ARHGAP6: variants seen among roughly 807,000 people sequenced by gnomAD.
ARHGAP6 encodes Rho GTPase activating protein 6.
Under a neutral mutation model 55.7 loss-of-function variants are expected in ARHGAP6, and 16 were observed. The observed-to-expected ratio is 0.29, with a 90% CI of 0.19 to 0.44. The LOEUF (loss-of-function observed/expected upper bound fraction) is 0.44. Among genes scored for constraint, ARHGAP6 ranks in the 20% least tolerant of loss-of-function variants. ARHGAP6 has a pLI of 1.00. For missense variants in ARHGAP6, 698 were observed against 808.9 expected (o/e 0.86, Z 1.66); for synonymous variants, 382 against 360.9 (o/e 1.06, Z -0.66).
At chrX:11,314,948 G>C (rs1350211032) in intron 1 of ARHGAP6, among the ~76,000 whole-genome samples, 2 of 112,294 alleles carry the variant, frequency 1.8e-5, no homozygotes, top group African/African-American at 6.5e-5. Flanking sequence ...AGCTAAAAAA[G>C]AGAAAACATA....
intron 1 of ARHGAP6, among the ~76,000 whole-genome samples, chrX:11,465,549 G>A (rs753053010): frequency 9.8e-5 from 11 of 111,981 alleles, no homozygotes; most frequent in Non-Finnish European, 1.9e-4. Context: ...TTATTAATAA[G>A]ATATTTTACA....
chrX:11,530,869 G>T (rs1336587499), intron 1 of ARHGAP6, among the ~76,000 whole-genome samples: 1 of 111,625 alleles, frequency 9.0e-6, no homozygotes, highest in Non-Finnish European at 1.9e-5. Flanking sequence ...AGCAGGTCAG[G>T]GTTGTCAGTA....
intron 1 of ARHGAP6, among the ~76,000 whole-genome samples, chrX:11,586,348 T>C (rs144804146): frequency 0.01 from 1,148 of 112,062 alleles, 6 homozygotes; most frequent in Admixed American, 0.015. Flanking sequence ...TTGATTTTTG[T>C]ATATGGTGAT....
chrX:11,635,669 C>G (rs1346579154), intron 1 of ARHGAP6, among the ~76,000 whole-genome samples: 1 of 111,398 alleles, frequency 9.0e-6, no homozygotes, highest in Non-Finnish European at 1.9e-5. Context: ...TCCCTTTCTA[C>G]TGTATAAGAT....
Position 11,188,910 on chromosome X carries a change from C to G in ARHGAP6, c.895G>C (p.Asp299His). ...ANDRAYKLKQ[D>H]LQRDEQKDAS... ...TCTTTCTGCTCGTCCCTCTGCAAGT[C>G]CTGCTTGAGTTTATAGGCCCTGTCA... Residue 299 changes from aspartate to histidine, a missense_variant, in exon 4 of 13, where the codon GAC (aspartate) becomes CAC (histidine). Coordinates refer to ENST00000337414, the MANE Select transcript of ARHGAP6 (RefSeq NM_013427.3). 1 of 1,211,409 alleles carries G rather than the reference C, an allele frequency of 8.3e-7. No individual in the cohort carries two copies. The highest frequency in any genetic ancestry group is 1.1e-6 in the Non-Finnish European group (1 of 895,445).
chrX:11,458,344 C>T (rs2050213039), intron 1 of ARHGAP6, among the ~76,000 whole-genome samples: 1 of 112,217 alleles, frequency 8.9e-6, no homozygotes, highest in South Asian at 3.7e-4. Context: ...TCAAAAGCAG[C>T]AGGGCAGGAA....
At chrX:11,280,857 T>C (rs998672072) in intron 1 of ARHGAP6, among the ~76,000 whole-genome samples, 2 of 110,483 alleles carry the variant, frequency 1.8e-5, no homozygotes, top group African/African-American at 3.3e-5. Flanking sequence ...ATGTGCAAGA[T>C]ACATTTGCAA....
At chrX:11,311,692 T>C (rs918595269) in intron 1 of ARHGAP6, among the ~76,000 whole-genome samples, 2 of 109,691 alleles carry the variant, frequency 1.8e-5, no homozygotes, top group African/African-American at 6.9e-5. Flanking sequence ...TGTCTAAGGA[T>C]AACAAAGCTG....
intron 1 of ARHGAP6, among the ~76,000 whole-genome samples, chrX:11,448,222 T>G (rs1320355518): frequency 1.8e-5 from 2 of 112,211 alleles, no homozygotes; most frequent in East Asian, 5.6e-4. Flanking sequence ...CCTTCCTCCT[T>G]ACTTGATTTT....
chrX:11,665,096 C>T lies in ARHGAP6; in HGVS notation c.-268G>A. On this transcript the variant is annotated 5_prime_UTR_variant, in exon 1 of 13. Coordinates refer to ENST00000337414, the MANE Select transcript of ARHGAP6 (RefSeq NM_013427.3). Reference sequence around the variant, plus strand: ...AGCCGCTAGAACCTTCCTCCGGAGCCCAAGACGCGAAGAGGGTCAGGAAGA... The same window carrying T: ...AGCCGCTAGAACCTTCCTCCGGAGCTCAAGACGCGAAGAGGGTCAGGAAGA... 4 of 298,325 alleles carry T rather than the reference C, an allele frequency of 1.3e-5. No homozygotes were observed. Among genetic ancestry groups the T allele is most frequent in the Non-Finnish European group, 2.3e-5 (4 of 171,854 alleles). 24.6% of individuals were successfully genotyped at this position (298,325 alleles called of 1,213,427 possible).
intron 1 of ARHGAP6, among the ~76,000 whole-genome samples, chrX:11,398,262 T>TAAAAA (rs60548732): frequency 2.0e-4 from 12 of 58,816 alleles, no homozygotes; most frequent in Non-Finnish European, 3.1e-4. Flanking sequence ...GTAAGTGCTA[T>TAAAAA]AAAAAAAAAA....
intron 1 of ARHGAP6, among the ~76,000 whole-genome samples, chrX:11,545,319 A>G (rs191784770): frequency 3.6e-4 from 41 of 112,533 alleles, no homozygotes; most frequent in African/African-American, 1.3e-3. Flanking sequence ...TTATTTGCAA[A>G]CATTAGACTG....
At chrX:11,184,667 C>T (rs2046363872) in intron 5 of ARHGAP6, among the ~76,000 whole-genome samples, 1 of 112,560 alleles carries the variant, frequency 8.9e-6, no homozygotes, top group South Asian at 3.6e-4. Flanking sequence ...GTCTATTTCT[C>T]TCTATATAAT....
chrX:11,524,391 T>C (rs2050967476), intron 1 of ARHGAP6, among the ~76,000 whole-genome samples: 1 of 112,042 alleles, frequency 8.9e-6, no homozygotes, highest in Non-Finnish European at 1.9e-5. Context: ...GGAAACAATA[T>C]ACTGAAAGTG....
At chrX:11,290,368 T>C (rs1300199402) in intron 1 of ARHGAP6, 3 of 366,654 alleles carry the variant, frequency 8.2e-6, no homozygotes, top group Non-Finnish European at 1.6e-5. Context: ...CCCAAGAAAG[T>C]ATAAGACACA....
chrX:11,189,115 A>C, intron 3 of ARHGAP6, 131 bp from the exon 4 acceptor site: 1 of 804,698 alleles, frequency 1.2e-6, no homozygotes, highest in Non-Finnish European at 1.7e-6. Flanking sequence ...CTCATCAATC[A>C]AAAAGGTGAC....
At chrX:11,230,975 C>G (rs759895259) in intron 2 of ARHGAP6, among the ~76,000 whole-genome samples, 12 of 110,411 alleles carry the variant, frequency 1.1e-4, no homozygotes, top group African/African-American at 3.0e-4. Context: ...TCAGGGTTCA[C>G]TCTTGGTTAC....
At chrX:11,438,351 C>T (rs1358090044) in intron 1 of ARHGAP6, among the ~76,000 whole-genome samples, 2 of 112,683 alleles carry the variant, frequency 1.8e-5, no homozygotes, top group East Asian at 2.8e-4. Flanking sequence ...AATAGGCCTA[C>T]GATGCTAATT....
At chrX:11,630,735 T>C (rs1359111824) in intron 1 of ARHGAP6, among the ~76,000 whole-genome samples, 1 of 111,731 alleles carries the variant, frequency 9.0e-6, no homozygotes, top group Non-Finnish European at 1.9e-5. Flanking sequence ...AGGAAAAGAT[T>C]TCTGACCAAT....
Sources: allele counts gnomAD v4.1 joint callset (sites outside exome capture counted in the v4.1 genomes callset), GRCh38; gene constraint gnomAD v4.1.1; transcripts MANE v1.5; gene names NCBI Gene and HGNC (gene_info 2026-07-23, HGNC 2026-07-21).